Variants in FAM153A observed in about 807,000 individuals in gnomAD.
FAM153A encodes the protein protein FAM153A.
In FAM153A, 12 loss-of-function variants were observed where a neutral mutation model predicts 48.1. The observed-to-expected ratio is 0.25, with a 90% CI of 0.16 to 0.40. FAM153A has a LOEUF of 0.40. Ranked by LOEUF, FAM153A falls within the 10% of genes least tolerant of loss-of-function variation. The pLI is 1.00. For synonymous variants in FAM153A, 36 were observed against 118.2 expected, an observed-to-expected ratio of 0.30 and a Z score of 4.51; for missense variants, 111 against 345.8, an observed-to-expected ratio of 0.32 and a Z score of 5.38.
At chr5:177,708,495 T>C (rs1368432565), downstream of FAM153A, among the ~76,000 whole-genome samples, 1 of 151,804 alleles carries the variant, frequency 6.6e-6, no homozygotes, top group Non-Finnish European at 1.5e-5. Context: ...GAGAATCGCT[T>C]GAACCCGGGA....
chr5:177,748,919 C>T (rs1010206183), intron 2 of FAM153A, among the ~76,000 whole-genome samples: 1 of 142,938 alleles, frequency 7.0e-6, no homozygotes, highest in African/African-American at 2.7e-5. Flanking sequence ...TAAGCCCCCA[C>T]ACCACTGCGA....
chr5:177,755,382 G>C (rs191221226), upstream of FAM153A, among the ~76,000 whole-genome samples: 1 of 151,770 alleles, frequency 6.6e-6, no homozygotes, highest in African/African-American at 2.4e-5. Flanking sequence ...AAGTGATGGG[G>C]AGAATGGAAC....
At chr5:177,708,195 T>G (rs1758025247), downstream of FAM153A, 1 of 152,954 alleles carries the variant, frequency 6.5e-6, no homozygotes, top group South Asian at 2.1e-4. Context: ...AGGAATCATG[T>G]ACACGTTCAA....
chr5:177,746,523 T>C (rs1179562494), intron 4 of FAM153A, among the ~76,000 whole-genome samples: 1 of 151,390 alleles, frequency 6.6e-6, no homozygotes, highest in Non-Finnish European at 1.5e-5. Context: ...CTAGCCAAAA[T>C]ATTCTACATA....
chr5:177,705,968 T>A (rs1039855146), downstream of FAM153A, among the ~76,000 whole-genome samples: 1 of 151,720 alleles, frequency 6.6e-6, no homozygotes, highest in African/African-American at 2.4e-5. Flanking sequence ...TAGAAAACAT[T>A]TTTCAAAGAA....
chr5:177,697,886 C>T, the FAM153A span, among the ~76,000 whole-genome samples: 13 of 151,152 alleles, frequency 8.6e-5, no homozygotes, highest in African/African-American at 1.7e-4. Context: ...CCCCTGCCCC[C>T]GTCTTAGGAC....
chr5:177,778,258 T>TAAA (rs1769385237), intron 1 of FAM153A, among the ~76,000 whole-genome samples: 1 of 4,272 alleles, frequency 2.3e-4, no homozygotes, highest in African/African-American at 1.2e-3. Flanking sequence ...ACTTAGAGTA[T>TAAA]AATAAAAAAA....
At chr5:177,717,582 C>A (rs968907296), downstream of FAM153A, among the ~76,000 whole-genome samples, 4 of 150,534 alleles carry the variant, frequency 2.7e-5, 1 homozygote, top group African/African-American at 1.0e-4. Flanking sequence ...AAAAGCTACC[C>A]TCACAAGGAG....
chr5:177,709,093 C>CAAAAAAAAAAAAAAAA (rs56257501), downstream of FAM153A, among the ~76,000 whole-genome samples: 1 of 34,106 alleles, frequency 2.9e-5, no homozygotes, highest in African/African-American at 8.9e-5. Flanking sequence ...GACTCCGTCT[C>CAAAAAAAAAAAAAAAA]AAAAAAAAAA....
chr5:177,743,190 GTTTTT>G (rs757108757), intron 6 of FAM153A, among the ~76,000 whole-genome samples: 1 of 75,758 alleles, frequency 1.3e-5, no homozygotes, highest in Non-Finnish European at 2.8e-5. Context: ...GCATTCACTT[GTTTTT>G]TTTTTGTTTT....
chr5:177,736,569 G>A lies in FAM153A; in HGVS notation c.664+10C>T. On this transcript the variant is annotated intron_variant, in intron 12 of 20. Transcript: ENST00000614127. Reference sequence around the variant, plus strand: ...GAACCTAAACAAAGAGATGATCCCAGAATACGTACATTCGGCCAGTGTGTC... The same window carrying A: ...GAACCTAAACAAAGAGATGATCCCAAAATACGTACATTCGGCCAGTGTGTC... 7.4e-7 allele frequency: 1 copy of A among 1,357,252 alleles called. No homozygotes were observed. The highest frequency in any genetic ancestry group is 1.0e-6 in the Non-Finnish European group (1 of 990,184). The allele number at this position is 1,357,252 out of a possible 1,614,324, so 84.1% of individuals were successfully genotyped here.
Position 177,765,236 on chromosome 5 carries a change from C to T in FAM153A, c.-57+15213G>A, listed in dbSNP as rs1351467953. Among the ~76,000 whole-genome samples the T allele has an allele frequency of 6.1e-5, 6 of 99,124 alleles. 2 individuals carry two copies. The highest frequency in any genetic ancestry group is 2.0e-4 in the Admixed American group (2 of 9,790). The allele number at this position is 99,124 out of a possible 152,430, so 65.0% of individuals were successfully genotyped here. On this transcript the variant is annotated intron_variant, in intron 1 of 8. Coordinates refer to the FAM153A transcript ENST00000393518. ...TGTGAGGCAGCTATGGGCATCTGCA[C>T]TTGGCCTAATAAAGACAACAGTGAA...
At chr5:177,749,075 A>G (rs1766469342) in intron 2 of FAM153A, among the ~76,000 whole-genome samples, 3 of 143,618 alleles carry the variant, frequency 2.1e-5, no homozygotes, top group South Asian at 2.4e-4. Flanking sequence ...CTTGATCTAC[A>G]TATGCTCCTC....
rs548770531 is a variant in FAM153A at position 177,753,064 on chromosome 5, G to A, written c.31+112C>T. ...AACTCTGAAACATATTTATAAATCT[G>A]TAGACAAATAGGAGCTGGGGAAATT... is the stretch of plus-strand genomic sequence containing the variant. On this transcript the variant is annotated intron_variant, in intron 1 of 20. Transcript: ENST00000614127. 63 of 706,954 alleles carry A rather than the reference G, an allele frequency of 8.9e-5. No homozygotes were observed. In the African/African-American group the frequency reaches 1.1e-3, roughly 12 times the overall value. The allele number at this position is 706,954 out of a possible 1,614,324, so 43.8% of individuals were successfully genotyped here.
chr5:177,738,456 G>A (rs1765038811), intron 10 of FAM153A, among the ~76,000 whole-genome samples: 1 of 151,386 alleles, frequency 6.6e-6, no homozygotes, highest in Non-Finnish European at 1.5e-5. Context: ...GAGAGACAGT[G>A]TTTGGGATTT....
upstream of FAM153A, among the ~76,000 whole-genome samples, chr5:177,754,162 T>G (rs1767421540): frequency 6.6e-6 from 1 of 151,948 alleles, no homozygotes; most frequent in African/African-American, 2.4e-5. Context: ...TCCAATGGTC[T>G]TAGCCAACGG....
At chr5:177,706,196 T>TG (rs1757873551), downstream of FAM153A, among the ~76,000 whole-genome samples, 1 of 151,084 alleles carries the variant, frequency 6.6e-6, no homozygotes, top group African/African-American at 2.5e-5. Flanking sequence ...ATGTTTTTTT[T>TG]GTTGTTGTTG....
chr5:177,698,403 G>A, the FAM153A span, among the ~76,000 whole-genome samples: 3 of 151,954 alleles, frequency 2.0e-5, no homozygotes, highest in South Asian at 6.2e-4. Flanking sequence ...TGCCTGCCCT[G>A]TCCAGCTGAA....
chr5:177,741,454 A>T lies in FAM153A; in HGVS notation c.365-122T>A, dbSNP rs1765418017. 21 of 830,218 alleles carry T rather than the reference A, an allele frequency of 2.5e-5. 5 individuals carry two copies. The highest frequency in any genetic ancestry group is 3.5e-5 in the Non-Finnish European group (21 of 607,498). 51.4% of individuals were successfully genotyped at this position (830,218 alleles called of 1,614,324 possible). A position where few individuals can be genotyped will look rare whatever the true frequency, so the allele number is the denominator to read the frequency against. On this transcript the variant is annotated intron_variant, in intron 6 of 20. Transcript: ENST00000614127. ...CAAGGGGGGTTAACTACAAAAAAGGACCTCCTGCCAGAACATCCTCCTTGG... is the reference window on the plus strand; with the variant it reads ...CAAGGGGGGTTAACTACAAAAAAGGTCCTCCTGCCAGAACATCCTCCTTGG...
Sources: allele counts gnomAD v4.1 joint callset (sites outside exome capture counted in the v4.1 genomes callset), GRCh38; gene constraint gnomAD v4.1.1; transcripts MANE v1.5; gene names NCBI Gene and HGNC (gene_info 2026-07-23, HGNC 2026-07-21).